DTD1: variants seen among roughly 807,000 people sequenced by gnomAD.
DTD1 encodes D-tyrosyl-tRNA deacylase 1 homolog.
DTD1 carries 13 observed loss-of-function variants against 25.6 expected under a neutral mutation model. That is an observed-to-expected ratio of 0.51 (90% confidence interval 0.33 to 0.81). DTD1 has a LOEUF of 0.81. Ranked by LOEUF, DTD1 falls within the 30% of genes least tolerant of loss-of-function variation. The probability of loss-of-function intolerance (pLI) is 0.02; values close to 1 mark genes in which losing one functional copy is unlikely to be tolerated. For missense variants in DTD1, 193 were observed against 266.4 expected, an observed-to-expected ratio of 0.72 and a Z score of 1.92; for synonymous variants, 110 against 103.6, an observed-to-expected ratio of 1.06 and a Z score of -0.37.
chr20:18,708,183 T>A (rs868088377), intron 4 of DTD1, among the ~76,000 whole-genome samples: 20 of 81,152 alleles, frequency 2.5e-4, no homozygotes, highest in African/African-American at 9.2e-4. Flanking sequence ...ATATATATAT[T>A]TTATATATAT....
intron 4 of DTD1, among the ~76,000 whole-genome samples, chr20:18,657,457 C>A (rs2060895202): frequency 6.6e-6 from 1 of 152,210 alleles, no homozygotes; most frequent in African/African-American, 2.4e-5. Flanking sequence ...TTTCTGCAAT[C>A]TTTCCATTTC....
chr20:18,727,650 C>T (rs374048751), intron 4 of DTD1, among the ~76,000 whole-genome samples: 6 of 152,148 alleles, frequency 3.9e-5, no homozygotes, highest in African/African-American at 1.4e-4. Flanking sequence ...ATGAGAAGAC[C>T]CCTGTTTTTA....
At chr20:18,739,832 G>A (rs971856738) in intron 4 of DTD1, among the ~76,000 whole-genome samples, 1 of 152,164 alleles carries the variant, frequency 6.6e-6, no homozygotes, top group Non-Finnish European at 1.5e-5. Flanking sequence ...CCCAGAAAAG[G>A]CTTAAATTTA....
intron 4 of DTD1, among the ~76,000 whole-genome samples, chr20:18,679,780 T>C (rs1177048603): frequency 6.6e-6 from 1 of 152,246 alleles, no homozygotes; most frequent in African/African-American, 2.4e-5. Context: ...CAACCTGTTC[T>C]GTTAGCTTGC....
chr20:18,758,566 A>T (rs1482224121), intron 5 of DTD1, among the ~76,000 whole-genome samples: 1 of 152,126 alleles, frequency 6.6e-6, no homozygotes, highest in Admixed American at 6.6e-5. Context: ...TTCAGTTTCC[A>T]TGTAGTTGAG....
intron 4 of DTD1, among the ~76,000 whole-genome samples, chr20:18,692,910 T>TCTA (rs1294638621): frequency 6.7e-6 from 1 of 150,244 alleles, no homozygotes; most frequent in African/African-American, 2.5e-5. Flanking sequence ...TTTTTTTTTT[T>TCTA]TGAGACAGAG....
At position 18,765,698 on chromosome 20, in the gene DTD1, T is replaced by C. The variant is rs2061377006; in HGVS notation, c.*2358T>C. The C allele has an allele frequency of 6.6e-6, 1 of 152,250 alleles. No homozygotes were observed. Among genetic ancestry groups the C allele is most frequent in the African/African-American group, 2.4e-5 (1 of 41,458 alleles). 9.4% of individuals were successfully genotyped at this position (152,250 alleles called of 1,614,324 possible). On this transcript the variant is annotated 3_prime_UTR_variant, in exon 6 of 6. Transcript: ENST00000377452. ...CCCCCACCTACACTCCTGAAGGTCCTTTCCTAGTTGCTTTGAAACTAATGG... is the reference window on the plus strand; with the variant it reads ...CCCCCACCTACACTCCTGAAGGTCCCTTCCTAGTTGCTTTGAAACTAATGG...
chr20:18,708,249 A>AT lies in DTD1; in HGVS notation c.478-35850dup, dbSNP rs2061138410. Among the ~76,000 whole-genome samples, 11 of 27,740 alleles carry AT rather than the reference A, an allele frequency of 4.0e-4. 1 individual carries two copies. In the Admixed American group the frequency reaches 8.3e-3, roughly 21 times the overall value. The allele number at this position is 27,740 out of a possible 152,430, so 18.2% of individuals were successfully genotyped here. A position where few individuals can be genotyped will look rare whatever the true frequency, so the allele number is the denominator to read the frequency against. On this transcript the variant is annotated intron_variant, in intron 4 of 5. Transcript: ENST00000377452. ...TATATATTTTATATATATATAATAT[A>AT]TATTATATATATATTTTATATATAT...
At chr20:18,736,757 C>G (rs759573377) in intron 4 of DTD1, among the ~76,000 whole-genome samples, 4 of 152,240 alleles carry the variant, frequency 2.6e-5, no homozygotes, top group Non-Finnish European at 4.4e-5. Flanking sequence ...CCATTGCCAA[C>G]ACCTATGCCC....
intron 4 of DTD1, among the ~76,000 whole-genome samples, chr20:18,699,926 A>T (rs1361200841): frequency 1.3e-5 from 2 of 152,248 alleles, no homozygotes; most frequent in African/African-American, 4.8e-5. Context: ...TATCTGTAGT[A>T]GTGATCAAAA....
intron 4 of DTD1, among the ~76,000 whole-genome samples, chr20:18,702,429 A>C (rs888926840): frequency 6.6e-6 from 1 of 152,228 alleles, no homozygotes; most frequent in Admixed American, 6.5e-5. Context: ...GTCCAGAATT[A>C]ACTGGGGAAG....
chr20:18,688,884 T>G (rs1223547499), intron 4 of DTD1, among the ~76,000 whole-genome samples: 2 of 151,774 alleles, frequency 1.3e-5, no homozygotes, highest in Admixed American at 1.3e-4. Context: ...TGGGGTGGCC[T>G]GTGGGGGGTG....
chr20:18,590,348 T>G (rs1568637640), intron 1 of DTD1, among the ~76,000 whole-genome samples: 1 of 152,176 alleles, frequency 6.6e-6, no homozygotes, highest in Non-Finnish European at 1.5e-5. Flanking sequence ...ATGTCCAGCT[T>G]AGGAGTCACA....
chr20:18,745,346 A>G (rs2061295818), intron 5 of DTD1, among the ~76,000 whole-genome samples: 1 of 152,230 alleles, frequency 6.6e-6, no homozygotes, highest in African/African-American at 2.4e-5. Context: ...TCCTCCCACC[A>G]GGGAACCTGT....
At chr20:18,618,181 C>CTA (rs1382092415) in intron 3 of DTD1, among the ~76,000 whole-genome samples, 1 of 152,202 alleles carries the variant, frequency 6.6e-6, no homozygotes, top group Non-Finnish European at 1.5e-5. Flanking sequence ...CATATTTCTC[C>CTA]TAGCTCTGTT....
chr20:18,721,450 T>A (rs1409898694), intron 4 of DTD1, among the ~76,000 whole-genome samples: 2 of 152,244 alleles, frequency 1.3e-5, no homozygotes, highest in Non-Finnish European at 1.5e-5. Flanking sequence ...AGATTTTAGT[T>A]TGTTAATACT....
chr20:18,635,674 T>G (rs921210834), intron 4 of DTD1, among the ~76,000 whole-genome samples: 4 of 152,240 alleles, frequency 2.6e-5, no homozygotes, highest in Admixed American at 1.3e-4. Context: ...GTAGATGTTT[T>G]TCTTCCTGGT....
rs1356489197 is a variant in DTD1, at chr20:18,764,403, A to T, written c.*1063A>T. 1.3e-5 allele frequency: 2 copies of T among 152,246 alleles called. No homozygotes were observed. Among genetic ancestry groups the T allele is most frequent in the Non-Finnish European group, 2.9e-5 (2 of 68,042 alleles). 9.4% of individuals were successfully genotyped at this position (152,246 alleles called of 1,614,324 possible). On this transcript the variant is annotated 3_prime_UTR_variant, in exon 6 of 6. Coordinates refer to ENST00000377452, the MANE Select transcript of DTD1 (RefSeq NM_080820.6). ...ACACTCAGAGTAGTCATTTTTTGAC[A>T]TATGATTTAATAGCTTTATTTATAT... is the stretch of plus-strand genomic sequence containing the variant.
In DTD1 at chr20:18,632,416, G is replaced by A. The variant is rs2060792249; in HGVS notation, c.477+4183G>A. The A allele has an allele frequency of 9.1e-6, 9 of 985,408 alleles. No individual in the cohort carries two copies. In the South Asian group the frequency reaches 1.4e-4, roughly 15 times the overall value. 61.0% of individuals were successfully genotyped at this position (985,408 alleles called of 1,614,324 possible). On this transcript the variant is annotated intron_variant, in intron 4 of 5. Transcript: ENST00000377452. ...GGTGGCGGTGGGTAGGCGCAGAAGC[G>A]GCCTGTGTTAGGTTGGTGCTGGCCT...
Sources: allele counts gnomAD v4.1 joint callset (sites outside exome capture counted in the v4.1 genomes callset), GRCh38; gene constraint gnomAD v4.1.1; transcripts MANE v1.5; gene names NCBI Gene and HGNC (gene_info 2026-07-23, HGNC 2026-07-21).